CYFIP2: variants seen among roughly 807,000 people sequenced by gnomAD.
The protein encoded by CYFIP2 is cytoplasmic FMR1 interacting protein 2, also known as cytoplasmic FMR1-interacting protein 2.
CYFIP2 carries 29 observed loss-of-function variants against 158.7 expected under a neutral mutation model. The ratio of observed to expected loss-of-function variants is 0.18; its 90% CI spans 0.14 to 0.25. The LOEUF is 0.25. CYFIP2 is among the 10% of genes least tolerant of loss of function. The pLI, the probability that CYFIP2 is intolerant of heterozygous loss-of-function variation, is 1.00. For missense variants in CYFIP2, 852 were observed against 1,639.5 expected, an observed-to-expected ratio of 0.52 and a Z score of 8.29; for synonymous variants, 585 against 617.6, an observed-to-expected ratio of 0.95 and a Z score of 0.78.
At position 157,350,179 on chromosome 5, in the gene CYFIP2, G is replaced by T. The variant is rs146042799; in HGVS notation, c.2674-8826G>T. On this transcript the variant is annotated intron_variant, in intron 23 of 30. Transcript: ENST00000620254. ...TTGTTGCATTTGCTTTTGGGCTCTTGGTCATGAAGTCTTTGCCTAAGCCAA... is the reference window on the plus strand; with the variant it reads ...TTGTTGCATTTGCTTTTGGGCTCTTTGTCATGAAGTCTTTGCCTAAGCCAA... Among the ~76,000 whole-genome samples the T allele has an allele frequency of 2.2e-4, 34 of 152,222 alleles. 1 individual carries two copies. In the East Asian group the frequency reaches 6.4e-3, roughly 28 times the overall value.
At chr5:157,383,671 A>G in intron 28 of CYFIP2, 1 of 217,686 alleles carries the variant, frequency 4.6e-6, no homozygotes, top group Non-Finnish European at 9.2e-6. Context: ...GAAAATTAAA[A>G]CTCCACATAC....
chr5:157,296,710 A>G lies in CYFIP2; in HGVS notation c.323A>G (p.Tyr108Cys). Reference sequence around the variant, plus strand: ...GAGCAGCCCAACCGAGTAGAGATCTATGAGAAGACAGTAGAGGTGCTGGAG... The same window carrying G: ...GAGCAGCCCAACCGAGTAGAGATCTGTGAGAAGACAGTAGAGGTGCTGGAG... ...CNEQPNRVEI[Y>C]EKTVEVLEPE... The change falls in exon 5 of 31, where the codon TAT (tyrosine) becomes TGT (cysteine). Residue 108 changes from tyrosine to cysteine, a missense_variant. Tyr to Cys is a radical substitution (Grantham distance 194, BLOSUM62 -2). Around this residue, in one of 8 missense-constraint regions of CYFIP2, gnomAD observed 123 missense variants for 316.7 expected, o/e 0.39. Transcript: ENST00000620254. 6.2e-7 allele frequency: 1 copy of G among 1,613,882 alleles called. No individual in the cohort carries two copies. The highest frequency in any genetic ancestry group is 8.5e-7 in the Non-Finnish European group (1 of 1,179,780).
chr5:157,320,059 A>T, intron 14 of CYFIP2, 131 bp downstream of exon 14: 1 of 1,115,406 alleles, frequency 9.0e-7, no homozygotes, highest in Non-Finnish European at 1.3e-6. Context: ...TCTTTAGGAG[A>T]TTGGGCATTT....
intron 20 of CYFIP2, among the ~76,000 whole-genome samples, chr5:157,332,458 G>C (rs566007473): frequency 3.1e-4 from 47 of 152,304 alleles, no homozygotes; most frequent in African/African-American, 1.1e-3. Context: ...ACCCCTGAAT[G>C]CTTCAGCCTA....
chr5:157,306,825 T>C (rs905577553), intron 8 of CYFIP2, among the ~76,000 whole-genome samples: 10 of 149,320 alleles, frequency 6.7e-5, no homozygotes, highest in African/African-American at 2.2e-4. Context: ...GAGGCTGCAG[T>C]GAGCTGTGAT....
chr5:157,294,259 A>G (rs1758071479), intron 3 of CYFIP2, among the ~76,000 whole-genome samples: 1 of 152,170 alleles, frequency 6.6e-6, no homozygotes, highest in Non-Finnish European at 1.5e-5. Flanking sequence ...CTGTCAACGA[A>G]ATTCCTCCCA....
At chr5:157,343,183 G>A in intron 23 of CYFIP2, 1 of 1,614,234 alleles carries the variant, frequency 6.2e-7, no homozygotes, top group Non-Finnish European at 8.5e-7. Flanking sequence ...CCAGCAGAAT[G>A]GCCATCAGCA....
chr5:157,383,380 A>G (rs1181618121), intron 28 of CYFIP2, 21 bp downstream of exon 28: 2 of 1,601,618 alleles, frequency 1.2e-6, no homozygotes, highest in East Asian at 4.5e-5. Context: ...TATATAATAA[A>G]TGGGCTCTGA....
chr5:157,388,119 G>A (rs1475600792), intron 28 of CYFIP2, among the ~76,000 whole-genome samples: 1 of 152,214 alleles, frequency 6.6e-6, no homozygotes, highest in African/African-American at 2.4e-5. Flanking sequence ...ATCTCTCAGT[G>A]TGAGAAGCCT....
intron 3 of CYFIP2, among the ~76,000 whole-genome samples, chr5:157,292,121 A>G (rs1041162748): frequency 6.6e-6 from 1 of 152,120 alleles, no homozygotes; most frequent in African/African-American, 2.4e-5. Context: ...GCCTATTTTC[A>G]TCTAAATAAA....
chr5:157,348,980 C>T (rs562356338), intron 23 of CYFIP2, among the ~76,000 whole-genome samples: 5 of 151,872 alleles, frequency 3.3e-5, no homozygotes, highest in East Asian at 3.9e-4. Context: ...CTCCCCACAC[C>T]GTGTTGCCCA....
At chr5:157,359,175 A>T (rs1363609907) in intron 24 of CYFIP2, 27 bp downstream of exon 24, 2 of 1,613,180 alleles carry the variant, frequency 1.2e-6, no homozygotes, top group East Asian at 4.5e-5. Flanking sequence ...GTGTGGCTTG[A>T]GATATGCCCA....
rs1458018348 is a variant in CYFIP2 at position 157,311,474 on chromosome 5, A to G, written c.993-190A>G. The G allele has an allele frequency of 5.0e-6, 3 of 597,082 alleles. No homozygotes were observed. Among genetic ancestry groups the G allele is most frequent in the Non-Finnish European group, 6.0e-6 (2 of 332,146 alleles). 37.0% of individuals were successfully genotyped at this position (597,082 alleles called of 1,614,324 possible). A position where few individuals can be genotyped will look rare whatever the true frequency, so the allele number is the denominator to read the frequency against. On this transcript the variant is annotated intron_variant, in intron 10 of 30. Coordinates refer to ENST00000620254, the MANE Select transcript of CYFIP2 (RefSeq NM_001037333.3). The surrounding 1 kb of genome is among the most constrained non-coding windows in gnomAD (Gnocchi z 4.7). ...CTGGCACCAAAGAGGAGGAGGAAGG[A>G]CTGTTCCATTAGGCCTGAAGCTCCC...
intron 26 of CYFIP2, among the ~76,000 whole-genome samples, chr5:157,378,947 C>T (rs1219056392): frequency 3.3e-5 from 5 of 152,166 alleles, no homozygotes; most frequent in African/African-American, 1.2e-4. Context: ...CTTAATTGCA[C>T]ATTATAACAA....
chr5:157,330,708 TTTAC>T, intron 19 of CYFIP2, 30 bp from the exon 20 acceptor site: 1 of 1,563,670 alleles, frequency 6.4e-7, no homozygotes, highest in Non-Finnish European at 8.8e-7. Flanking sequence ...TCACAATCTG[TTTAC>T]TGGCCTTGTT....
In CYFIP2 at chr5:157,389,365, G is replaced by A. The variant is rs748127133; in HGVS notation, c.3384G>A (p.Arg1128=). ...MHVDECVEFH[R]LWSAMQFVYC... ...TCGATGAGTGTGTGGAGTTCCACCGGCTGTGGAGCGCCATGCAGTTCGTGT... is the reference window on the plus strand; with the variant it reads ...TCGATGAGTGTGTGGAGTTCCACCGACTGTGGAGCGCCATGCAGTTCGTGT... Residue 1128 remains arginine (R), a synonymous_variant, in exon 29 of 31, where the codon CGG becomes CGA. Transcript: ENST00000620254. 6.2e-7 allele frequency: 1 copy of A among 1,613,520 alleles called. No homozygotes were observed. Among genetic ancestry groups the A allele is most frequent in the Non-Finnish European group, 8.5e-7 (1 of 1,179,608 alleles).
rs1260360789 is a variant in CYFIP2 at position 157,378,466 on chromosome 5, TTC to T, written c.3040-4122_3040-4121del. 3.3e-5 allele frequency among the ~76,000 whole-genome samples: 5 copies of T among 152,306 alleles called. No homozygotes were observed. In the South Asian group the frequency reaches 6.2e-4, roughly 19 times the overall value. ...TTAGGTGTTAAGATTTTAAGTGATT[TTC>T]TGTTTCTATTCTTGGTAACTTTGCA... is the stretch of plus-strand genomic sequence containing the variant. On this transcript the variant is annotated intron_variant, in intron 26 of 30. Coordinates refer to ENST00000620254, the MANE Select transcript of CYFIP2 (RefSeq NM_001037333.3).
At chr5:157,370,223 G>T (rs1456916280) in intron 26 of CYFIP2, among the ~76,000 whole-genome samples, 2 of 152,166 alleles carry the variant, frequency 1.3e-5, no homozygotes, top group Non-Finnish European at 2.9e-5. Context: ...CTGATGTGCA[G>T]TCAGAGTGGA....
At chr5:157,369,052 C>T (rs1764729576) in intron 26 of CYFIP2, among the ~76,000 whole-genome samples, 1 of 152,046 alleles carries the variant, frequency 6.6e-6, no homozygotes, top group Non-Finnish European at 1.5e-5. Context: ...GCATGTGCCG[C>T]TATGCTTGGC....
Sources: gnomAD v4.1 joint callset for allele counts (sites outside exome capture counted in the v4.1 genomes callset) on GRCh38, gnomAD v4.1.1 for gene constraint, gnomAD v4.1.1 regional missense constraint, Gnocchi (gnomAD v3.1) non-coding constraint, MANE v1.5 for transcripts, NCBI Gene and HGNC (gene_info 2026-07-23, HGNC 2026-07-21) for gene names.